Variants in OR5AN1 observed in about 807,000 individuals in gnomAD.
The protein encoded by OR5AN1 is olfactory receptor family 5 subfamily AN member 1, also known as olfactory receptor 5AN1.
For synonymous variants in OR5AN1, 167 were observed against 131.8 expected, an observed-to-expected ratio of 1.27 and a Z score of -1.83; for missense variants, 476 against 368.9, an observed-to-expected ratio of 1.29 and a Z score of -2.38.
chr11:59,361,971 AGT>A (rs201059181), intron 1 of OR5AN1, among the ~76,000 whole-genome samples: 6 of 150,986 alleles, frequency 4.0e-5, no homozygotes, highest in African/African-American at 1.2e-4. Context: ...GTTTGTAAGG[AGT>A]GTGTGTGTGT....
intron 1 of OR5AN1, among the ~76,000 whole-genome samples, chr11:59,363,525 A>AC (rs1255566238): frequency 6.6e-6 from 1 of 152,150 alleles, no homozygotes; most frequent in African/African-American, 2.4e-5. Context: ...TTTATTGGAC[A>AC]CCCACGCTCT....
intron 1 of OR5AN1, among the ~76,000 whole-genome samples, chr11:59,364,054 C>T (rs575648430): frequency 3.9e-5 from 6 of 152,292 alleles, no homozygotes; most frequent in East Asian, 1.9e-4. Flanking sequence ...TGAGCCACTA[C>T]GCCCAGCCTA....
intron 1 of OR5AN1, among the ~76,000 whole-genome samples, chr11:59,361,129 A>G (rs1857458078): frequency 6.6e-6 from 1 of 152,250 alleles, no homozygotes; most frequent in Non-Finnish European, 1.5e-5. Flanking sequence ...AAAGAAGTAC[A>G]ATCATTTGTC....
rs1007658499 is a variant in OR5AN1 at position 59,365,519 on chromosome 11, G to C, written c.*125G>C. ...TACTGCCTTTGGACAAAGAAGGCTT[G>C]ATTTGATGCACAAAATATGCCAATA... On this transcript the variant is annotated 3_prime_UTR_variant, in exon 2 of 2. Transcript: ENST00000641998. 3.2e-6 allele frequency: 2 copies of C among 626,810 alleles called. No individual in the cohort carries two copies. The highest frequency in any genetic ancestry group is 3.7e-5 in the African/African-American group (2 of 54,344). 38.8% of individuals were successfully genotyped at this position (626,810 alleles called of 1,614,324 possible).
Position 59,365,148 on chromosome 11 carries a change from T to C in OR5AN1, c.690T>C (p.Thr230=). 6.2e-7 allele frequency: 1 copy of C among 1,614,090 alleles called. No homozygotes were observed. The highest frequency in any genetic ancestry group is 1.7e-5 in the Admixed American group (1 of 60,012). The change falls in exon 2 of 2, where the codon ACT becomes ACC. Residue 230 remains threonine, a synonymous_variant. Coordinates refer to ENST00000641998, the MANE Select transcript of OR5AN1 (RefSeq NM_001004729.2). ...TTGGCATCTCCATCATGAAGATCAC[T>C]TCAGCTAAAGGCAGGTCCAAGGCAT... is the stretch of plus-strand genomic sequence containing the variant. ...GYIGISIMKI[T]SAKGRSKAFN...
intron 1 of OR5AN1, 126 bp downstream of exon 1, chr11:59,359,398 C>T (rs1020844819): frequency 6.6e-6 from 1 of 152,102 alleles, no homozygotes; most frequent in African/African-American, 2.4e-5. Flanking sequence ...TATATGTTGT[C>T]TATAAAGCCT....
chr11:59,368,680 G>A lies in OR5AN1; in HGVS notation c.*3286G>A, dbSNP rs1335063111. On this transcript the variant is annotated 3_prime_UTR_variant, in exon 2 of 2. Transcript: ENST00000641998. ...GATTGCTGACCTGCATCTCTCTGGG[G>A]TGGAGCCCCCAGGAGTCAAACAAAT... The A allele has an allele frequency of 2.6e-5, 4 of 152,352 alleles. No individual in the cohort carries two copies. Among genetic ancestry groups the A allele is most frequent in the Non-Finnish European group, 5.9e-5 (4 of 68,152 alleles). The allele number at this position is 152,352 out of a possible 1,614,324, so 9.4% of individuals were successfully genotyped here.
At position 59,366,406 on chromosome 11, in the gene OR5AN1, T is replaced by A. The variant is rs779800470; in HGVS notation, c.*1012T>A. ...GTCATGCATTTAAGCCTACTCTACA[T>A]CAGCCAGTCCCAGCTGATCTCCAGA... On this transcript the variant is annotated 3_prime_UTR_variant, in exon 2 of 2. Transcript: ENST00000641998. 22 of 152,358 alleles carry A rather than the reference T, an allele frequency of 1.4e-4. No individual in the cohort carries two copies. Among genetic ancestry groups the A allele is most frequent in the Non-Finnish European group, 2.6e-4 (18 of 68,034 alleles). 9.4% of individuals were successfully genotyped at this position (152,358 alleles called of 1,614,324 possible). A position where few individuals can be genotyped will look rare whatever the true frequency, so the allele number is the denominator to read the frequency against.
rs1355610721 is a variant in OR5AN1, at chr11:59,366,273, T to C, written c.*879T>C. The C allele has an allele frequency of 2.0e-5, 3 of 152,188 alleles. No individual in the cohort carries two copies. The highest frequency in any genetic ancestry group is 4.4e-5 in the Non-Finnish European group (3 of 68,028). The allele number at this position is 152,188 out of a possible 1,614,324, so 9.4% of individuals were successfully genotyped here. On this transcript the variant is annotated 3_prime_UTR_variant, in exon 2 of 2. Coordinates refer to ENST00000641998, the MANE Select transcript of OR5AN1 (RefSeq NM_001004729.2). ...ATTAAATTTAGAAAATTTACTCTTGTTTGACTGGGTAACTATTGAATCCAG... is the reference window on the plus strand; with the variant it reads ...ATTAAATTTAGAAAATTTACTCTTGCTTGACTGGGTAACTATTGAATCCAG...
intron 1 of OR5AN1, among the ~76,000 whole-genome samples, chr11:59,362,298 C>A (rs963682066): frequency 6.6e-6 from 1 of 151,924 alleles, no homozygotes; most frequent in Non-Finnish European, 1.5e-5. Flanking sequence ...ATTGCTTTGC[C>A]ATATTTTTTC....
chr11:59,365,188 T>C lies in OR5AN1; in HGVS notation c.730T>C (p.Ser244Pro), dbSNP rs376297476. Residue 244 changes from serine to proline, a missense_variant, in exon 2 of 2, where the codon TCT becomes CCT. Physicochemically the swap from Ser to Pro is moderately conservative, Grantham distance 74 (BLOSUM62 -1). Coordinates refer to ENST00000641998, the MANE Select transcript of OR5AN1 (RefSeq NM_001004729.2). ...GTCCAAGGCATTCAACACCTGTGCTTCTCATCTAACAGCTGTTTCCCTCTT... is the reference window on the plus strand; with the variant it reads ...GTCCAAGGCATTCAACACCTGTGCTCCTCATCTAACAGCTGTTTCCCTCTT... ...GRSKAFNTCA[S>P]HLTAVSLFYT... The C allele has an allele frequency of 1.5e-5, 25 of 1,613,940 alleles. No individual in the cohort carries two copies. In the African/African-American group the frequency reaches 3.3e-4, roughly 22 times the overall value.
At position 59,368,254 on chromosome 11, in the gene OR5AN1, C is replaced by G. The variant is rs1016112049; in HGVS notation, c.*2860C>G. The G allele has an allele frequency of 6.6e-6, 1 of 152,294 alleles. No homozygotes were observed. Among genetic ancestry groups the G allele is most frequent in the South Asian group, 2.1e-4 (1 of 4,836 alleles). 9.4% of individuals were successfully genotyped at this position (152,294 alleles called of 1,614,324 possible). A position where few individuals can be genotyped will look rare whatever the true frequency, so the allele number is the denominator to read the frequency against. On this transcript the variant is annotated 3_prime_UTR_variant, in exon 2 of 2. Transcript: ENST00000641998. ...ACTGGAGCAGCCCCCAAGCATAAAACAGCAGCCCTATGGAAAAGTGGCCAG... is the reference window on the plus strand; with the variant it reads ...ACTGGAGCAGCCCCCAAGCATAAAAGAGCAGCCCTATGGAAAAGTGGCCAG...
chr11:59,365,391 C>G lies in OR5AN1; in HGVS notation c.933C>G (p.Cys311Trp), dbSNP rs1304823468. The change falls in exon 2 of 2, where the codon TGC (cysteine) becomes TGG (tryptophan). Residue 311 changes from cysteine (C) to tryptophan (W), a missense_variant. Coordinates refer to ENST00000641998, the MANE Select transcript of OR5AN1 (RefSeq NM_001004729.2). The part of the protein sequence containing the change: ...ALKRLQKRKC[C>W] Reference sequence around the variant, plus strand: ...AGAGGTTGCAAAAGAGAAAGTGCTGCTGAGTTTACAGATTCTGAGATTTCT... The same window carrying G: ...AGAGGTTGCAAAAGAGAAAGTGCTGGTGAGTTTACAGATTCTGAGATTTCT... 6.4e-7 allele frequency: 1 copy of G among 1,573,718 alleles called. No individual in the cohort carries two copies. The highest frequency in any genetic ancestry group is 1.4e-5 in the African/African-American group (1 of 73,382).
In OR5AN1 at chr11:59,364,894, G is replaced by A. The variant is rs954175405; in HGVS notation, c.436G>A (p.Val146Ile). 4 of 1,614,048 alleles carry A rather than the reference G, an allele frequency of 2.5e-6. No homozygotes were observed. Among genetic ancestry groups the A allele is most frequent in the East Asian group, 4.5e-5 (2 of 44,874 alleles). The change falls in exon 2 of 2, where the codon GTA (valine) becomes ATA (isoleucine). Residue 146 changes from valine (V) to isoleucine (I), a missense_variant. Transcript: ENST00000641998. ...IMSPTLCVWM[V>I]LGAYMTGLTA... ...GTCACCCACCCTCTGTGTTTGGATG[G>A]TACTGGGAGCCTACATGACTGGCCT...
chr11:59,365,306 T>C lies in OR5AN1; in HGVS notation c.848T>C (p.Ile283Thr), dbSNP rs1408606244. 6.2e-7 allele frequency: 1 copy of C among 1,613,066 alleles called. No individual in the cohort carries two copies. The highest frequency in any genetic ancestry group is 2.2e-5 in the East Asian group (1 of 44,852). Reference protein sequence around the residue: ...RFASVFYTVVIPMLNPLIYSL... With the variant: ...RFASVFYTVVTPMLNPLIYSL... ...GCATCTGTTTTCTACACTGTGGTCA[T>C]TCCCATGTTAAATCCCTTGATTTAC... Residue 283 changes from isoleucine to threonine, a missense_variant, in exon 2 of 2, where the codon ATT (isoleucine) becomes ACT (threonine). By Grantham distance (89) the Ile-to-Thr change is moderately conservative. Coordinates refer to ENST00000641998, the MANE Select transcript of OR5AN1 (RefSeq NM_001004729.2).
intron 1 of OR5AN1, among the ~76,000 whole-genome samples, chr11:59,360,562 T>G (rs186421632): frequency 6.6e-6 from 1 of 152,312 alleles, no homozygotes; most frequent in African/African-American, 2.4e-5. Flanking sequence ...TAGCTATTTT[T>G]CCTAATGCTC....
Position 59,370,535 on chromosome 11 carries a change from C to A in OR5AN1, c.*5141C>A, listed in dbSNP as rs926513279. 6.6e-6 allele frequency: 1 copy of A among 152,188 alleles called. No homozygotes were observed. The highest frequency in any genetic ancestry group is 6.6e-5 in the Admixed American group (1 of 15,258). 9.4% of individuals were successfully genotyped at this position (152,188 alleles called of 1,614,324 possible). On this transcript the variant is annotated 3_prime_UTR_variant, in exon 2 of 2. Transcript: ENST00000641998. ...TTATGTGAAATACCAATCAAAATCA[C>A]AACATGCTTGTGGAAACTAAAAGTT...
At position 59,364,562 on chromosome 11, in the gene OR5AN1, T is replaced by C. The variant is rs766273057; in HGVS notation, c.104T>C (p.Ile35Thr). Residue 35 changes from isoleucine to threonine, a missense_variant, in exon 2 of 2, where the codon ATC (isoleucine) becomes ACC (threonine). Coordinates refer to ENST00000641998, the MANE Select transcript of OR5AN1 (RefSeq NM_001004729.2). Reference protein sequence around the residue: ...IKVLFTIFLVIYITSLAWNLS... With the variant: ...IKVLFTIFLVTYITSLAWNLS... ...GTGCTCTTCACTATATTCCTGGTGA[T>C]CTACATTACATCTCTGGCCTGGAAC... The C allele has an allele frequency of 1.9e-6, 3 of 1,613,860 alleles. No homozygotes were observed. Among genetic ancestry groups the C allele is most frequent in the Admixed American group, 1.7e-5 (1 of 60,008 alleles).
At position 59,359,172 on chromosome 11, in the gene OR5AN1, C is replaced by T. The variant is rs1483923051; in HGVS notation, c.-114C>T. ...CTCTCTCATTCTTCAACTCTTCCCA[C>T]TTCCTCACTTCCACATTCTGTACCT... On this transcript the variant is annotated 5_prime_UTR_variant, in exon 1 of 2. Coordinates refer to ENST00000641998, the MANE Select transcript of OR5AN1 (RefSeq NM_001004729.2). 6.6e-6 allele frequency: 1 copy of T among 152,216 alleles called. No homozygotes were observed. The highest frequency in any genetic ancestry group is 1.9e-4 in the East Asian group (1 of 5,202). 9.4% of individuals were successfully genotyped at this position (152,216 alleles called of 1,614,324 possible). A position where few individuals can be genotyped will look rare whatever the true frequency, so the allele number is the denominator to read the frequency against.
Sources: gnomAD v4.1 joint callset for allele counts (sites outside exome capture counted in the v4.1 genomes callset) on GRCh38, gnomAD v4.1.1 for gene constraint, MANE v1.5 for transcripts, NCBI Gene and HGNC (gene_info 2026-07-23, HGNC 2026-07-21) for gene names.